Variants in AOPEP observed in about 807,000 individuals in gnomAD.
The protein encoded by AOPEP is aminopeptidase O (putative), also known as aminopeptidase O.
In AOPEP, 77 loss-of-function variants were observed where a neutral mutation model predicts 98.1. The observed-to-expected ratio is 0.78, with a 90% CI of 0.65 to 0.95. The LOEUF (loss-of-function observed/expected upper bound fraction) is 0.95, where lower values mean the gene tolerates loss of function less well. Among genes scored for constraint, AOPEP ranks in the 40% least tolerant of loss-of-function variants. The pLI, the probability that AOPEP is intolerant of heterozygous loss-of-function variation, is 0.00. For synonymous variants in AOPEP, 346 were observed against 365.3 expected (o/e 0.95, Z 0.60); for missense variants, 1,024 against 1,024.7 (o/e 1.00, Z 0.01).
At position 94,967,889 on chromosome 9, in the gene AOPEP, G is replaced by C; in HGVS notation, c.1916+88G>C. ...CCATTGGTTGGCTTGTCACAGCCTA[G>C]AAAGCTCAGTCTTTCTGTCTAATAG... On this transcript the variant is annotated intron_variant, in intron 10 of 16. Transcript: ENST00000375315. 3 of 1,097,444 alleles carry C rather than the reference G, an allele frequency of 2.7e-6. No individual in the cohort carries two copies. The South Asian group carries it at 3.8e-5, about 14-fold the overall frequency. 68.0% of individuals were successfully genotyped at this position (1,097,444 alleles called of 1,614,324 possible). A position where few individuals can be genotyped will look rare whatever the true frequency, so the allele number is the denominator to read the frequency against.
chr9:95,100,196 C>G, the AOPEP span: 1 of 222,918 alleles, frequency 4.5e-6, no homozygotes, highest in East Asian at 6.1e-5. Context: ...CATGATGGCA[C>G]GAAGCATGTT....
chr9:95,123,882 T>TA, the AOPEP span: 3 of 536,318 alleles, frequency 5.6e-6, no homozygotes, highest in Non-Finnish European at 1.1e-5. Flanking sequence ...GTTGAGTCCT[T>TA]AAAGTCTGAA....
At chr9:94,838,909 C>CTT (rs35849023) in intron 5 of AOPEP, among the ~76,000 whole-genome samples, 3,472 of 99,756 alleles carry the variant, frequency 0.035, 464 homozygotes, top group South Asian at 0.17. Context: ...AAATGCTATT[C>CTT]TTTTTTTTTT....
intron 13 of AOPEP, among the ~76,000 whole-genome samples, chr9:95,006,455 T>C (rs1256728704): frequency 6.6e-6 from 1 of 152,232 alleles, no homozygotes; most frequent in African/African-American, 2.4e-5. Context: ...GCTGCCAATT[T>C]CTGTGCTATG....
the AOPEP span, among the ~76,000 whole-genome samples, chr9:95,095,578 T>C: frequency 6.6e-6 from 1 of 152,230 alleles, no homozygotes; most frequent in East Asian, 1.9e-4. Flanking sequence ...TTTTGATTTC[T>C]GTATGGCCAG....
intron 7 of AOPEP, among the ~76,000 whole-genome samples, chr9:94,942,904 C>CAAA (rs35186299): frequency 1.3e-3 from 109 of 82,582 alleles, no homozygotes; most frequent in Non-Finnish European, 1.6e-3. Flanking sequence ...GAGTCTGTCT[C>CAAA]AAAAAAAAAA....
At chr9:94,974,293 T>A (rs2059705885) in intron 10 of AOPEP, among the ~76,000 whole-genome samples, 1 of 152,216 alleles carries the variant, frequency 6.6e-6, no homozygotes, top group Non-Finnish European at 1.5e-5. Flanking sequence ...AAATAGGGCA[T>A]GATGCAGTGT....
Position 94,759,909 on chromosome 9 carries a change from C to T in AOPEP, c.126C>T (p.Thr42=), listed in dbSNP as rs749099303. 4 of 1,613,998 alleles carry T rather than the reference C, an allele frequency of 2.5e-6. No individual in the cohort carries two copies. The highest frequency in any genetic ancestry group is 3.4e-6 in the Non-Finnish European group (4 of 1,180,024). Residue 42 remains threonine (T), a synonymous_variant, in exon 2 of 17, where the codon ACC becomes ACT. Coordinates refer to ENST00000375315, the MANE Select transcript of AOPEP (RefSeq NM_001193329.3). ...TTGAAAGTCAAGTCATTGAGGGGACCATAGTGCTTTTCCTCGAGGATGGAA... is the reference window on the plus strand; with the variant it reads ...TTGAAAGTCAAGTCATTGAGGGGACTATAGTGCTTTTCCTCGAGGATGGAA... ...VDFESQVIEG[T]IVLFLEDGNR...
At chr9:94,933,755 T>A (rs2055780110) in intron 7 of AOPEP, 4 of 587,618 alleles carry the variant, frequency 6.8e-6, no homozygotes, top group African/African-American at 6.1e-5. Context: ...TTTTTTTTAA[T>A]TTTTTTTTTT....
intron 2 of AOPEP, among the ~76,000 whole-genome samples, chr9:94,764,807 G>C (rs1198450871): frequency 6.6e-6 from 1 of 152,028 alleles, no homozygotes; most frequent in African/African-American, 2.4e-5. Context: ...CCAGTAATAG[G>C]GAAAGCTGAG....
At chr9:95,032,638 C>T (rs1311387532) in intron 13 of AOPEP, among the ~76,000 whole-genome samples, 1 of 152,194 alleles carries the variant, frequency 6.6e-6, no homozygotes, top group Non-Finnish European at 1.5e-5. Context: ...GCTCTAGGCA[C>T]AAAACCTCAC....
the AOPEP span, among the ~76,000 whole-genome samples, chr9:95,144,140 G>A: frequency 9.2e-5 from 14 of 152,238 alleles, no homozygotes; most frequent in African/African-American, 2.9e-4. Context: ...GGGGAGGGGG[G>A]GCTGGGCGCG....
At chr9:95,056,010 T>C (rs533122170) in intron 13 of AOPEP, among the ~76,000 whole-genome samples, 6 of 152,150 alleles carry the variant, frequency 3.9e-5, no homozygotes, top group Non-Finnish European at 8.8e-5. Context: ...TTGGGAAGAA[T>C]TGATCTTTCT....
chr9:95,025,273 A>G (rs957703354), intron 13 of AOPEP, among the ~76,000 whole-genome samples: 74 of 152,146 alleles, frequency 4.9e-4, no homozygotes, highest in African/African-American at 1.8e-3. Flanking sequence ...CCCGTGATCC[A>G]TTTTCCCAGC....
intron 5 of AOPEP, among the ~76,000 whole-genome samples, chr9:94,865,104 C>T (rs915738665): frequency 6.6e-6 from 1 of 152,076 alleles, no homozygotes; most frequent in African/African-American, 2.4e-5. Flanking sequence ...TGATGAAGAC[C>T]AGAATCTGGA....
At chr9:94,773,289 T>G in intron 3 of AOPEP, 121 bp downstream of exon 3, 4 of 886,116 alleles carry the variant, frequency 4.5e-6, no homozygotes, top group Non-Finnish European at 3.4e-6. Flanking sequence ...GAAATGATCA[T>G]AGTATAAAAC....
intron 5 of AOPEP, among the ~76,000 whole-genome samples, chr9:94,918,498 A>G (rs2053139015): frequency 6.6e-6 from 1 of 152,188 alleles, no homozygotes. Flanking sequence ...ACGGGAGCCC[A>G]GAAGCCACAG....
intron 5 of AOPEP, among the ~76,000 whole-genome samples, chr9:94,861,221 A>T (rs2044934948): frequency 6.6e-6 from 1 of 152,178 alleles, no homozygotes; most frequent in East Asian, 1.9e-4. Flanking sequence ...AAGGGGAAGG[A>T]TGTGGTTTGA....
chr9:94,827,648 G>T (rs1458049394), intron 5 of AOPEP, among the ~76,000 whole-genome samples: 1 of 152,188 alleles, frequency 6.6e-6, no homozygotes, highest in Non-Finnish European at 1.5e-5. Context: ...GGCTGGAACT[G>T]TGGAGTGATC....
Sources: allele counts gnomAD v4.1 joint callset (sites outside exome capture counted in the v4.1 genomes callset), GRCh38; gene constraint gnomAD v4.1.1; transcripts MANE v1.5; gene names NCBI Gene and HGNC (gene_info 2026-07-23, HGNC 2026-07-21).